The following CAMTA1 variants were observed in gnomAD, a reference collection of about 807,000 sequenced individuals.
CAMTA1 encodes calmodulin binding transcription activator 1, also known as calmodulin-binding transcription activator 1.
CAMTA1 carries 27 observed loss-of-function variants against 170.9 expected under a neutral mutation model. That is an observed-to-expected ratio of 0.16 (90% CI 0.12 to 0.22). The LOEUF (loss-of-function observed/expected upper bound fraction) is 0.22. Ranked by LOEUF, CAMTA1 falls within the 10% of genes least tolerant of loss-of-function variation. CAMTA1 has a pLI of 1.00. For missense variants in CAMTA1, 1,619 were observed against 2,217.2 expected (o/e 0.73, Z 5.42); for synonymous variants, 833 against 891.5 (o/e 0.93, Z 1.17).
intron 4 of CAMTA1, among the ~76,000 whole-genome samples, chr1:7,167,050 A>C (rs1385590791): frequency 6.6e-6 from 1 of 152,020 alleles, no homozygotes; most frequent in Non-Finnish European, 1.5e-5. Context: ...ACCTCAGGTG[A>C]TCCACCTGCC....
intron 5 of CAMTA1, among the ~76,000 whole-genome samples, chr1:7,445,298 G>C (rs1229004080): frequency 6.6e-6 from 1 of 151,734 alleles, no homozygotes; most frequent in African/African-American, 2.4e-5. Flanking sequence ...AATGATCCAA[G>C]CAGAGAGGGA....
intron 3 of CAMTA1, among the ~76,000 whole-genome samples, chr1:6,983,757 G>A (rs1363003938): frequency 6.6e-6 from 1 of 151,870 alleles, no homozygotes; most frequent in Non-Finnish European, 1.5e-5. Context: ...TAGAGGGTTG[G>A]GTGGGTAGAT....
Position 7,426,664 on chromosome 1 carries a change from G to A in CAMTA1, c.439-41166G>A, listed in dbSNP as rs1182711657. Among the ~76,000 whole-genome samples, 1 of 149,320 alleles carries A rather than the reference G, an allele frequency of 6.7e-6. No homozygotes were observed. The highest frequency in any genetic ancestry group is 1.5e-5 in the Non-Finnish European group (1 of 67,664). On this transcript the variant is annotated intron_variant, in intron 5 of 22. Coordinates refer to ENST00000303635, the MANE Select transcript of CAMTA1 (RefSeq NM_015215.4). The surrounding 1 kb of genome is among the most constrained non-coding windows in gnomAD (Gnocchi z 4.8). The stretch of plus-strand genomic sequence containing the variant: ...ATGGCGACTGTGCAAAAAAGCAGGG[G>A]TTGGGGCGGGGGAAAGGTGGAGAAA...
intron 3 of CAMTA1, among the ~76,000 whole-genome samples, chr1:7,047,184 G>A (rs1378351169): frequency 6.6e-6 from 1 of 152,218 alleles, no homozygotes; most frequent in Non-Finnish European, 1.5e-5. Context: ...AACATGCAGG[G>A]GATGTGTGGT....
chr1:6,924,900 C>T (rs1682788617), intron 3 of CAMTA1, among the ~76,000 whole-genome samples: 1 of 152,182 alleles, frequency 6.6e-6, no homozygotes, highest in African/African-American at 2.4e-5. Flanking sequence ...GCCTCTTGGT[C>T]TGATTTCTCT....
intron 6 of CAMTA1, among the ~76,000 whole-genome samples, chr1:7,629,172 G>T (rs554740668): frequency 3.3e-5 from 5 of 152,338 alleles, no homozygotes; most frequent in African/African-American, 9.6e-5. Context: ...CCAAGCTCAG[G>T]CTCTGCCAAC....
chr1:7,641,964 C>T lies in CAMTA1; in HGVS notation c.664+1411C>T, dbSNP rs567101185. On this transcript the variant is annotated intron_variant, in intron 7 of 22. Transcript: ENST00000303635. This position sits in a 1 kb window ranked among gnomAD's most constrained non-coding sequence, Gnocchi z 4.5. ...CTGCAGCCCCCCCACCCGCAGCCCC[C>T]GGCCTCTGCAGGACTCTGCGCCCTT... 1.4e-4 allele frequency among the ~76,000 whole-genome samples: 22 copies of T among 152,178 alleles called. 1 individual carries two copies. In the South Asian group the frequency reaches 4.1e-3, roughly 29 times the overall value.
At chr1:7,080,071 A>G (rs1639812448) in intron 3 of CAMTA1, among the ~76,000 whole-genome samples, 1 of 152,186 alleles carries the variant, frequency 6.6e-6, no homozygotes, top group African/African-American at 2.4e-5. Context: ...TTGTATGTAA[A>G]TTATATCTCC....
intron 4 of CAMTA1, among the ~76,000 whole-genome samples, chr1:7,184,317 G>A (rs1450064064): frequency 6.6e-6 from 1 of 152,110 alleles, no homozygotes; most frequent in Non-Finnish European, 1.5e-5. Flanking sequence ...TAACACAATA[G>A]GGTGTCTATA....
At chr1:6,870,875 A>G (rs1668215695) in intron 3 of CAMTA1, among the ~76,000 whole-genome samples, 2 of 152,248 alleles carry the variant, frequency 1.3e-5, no homozygotes, top group African/African-American at 4.8e-5. Context: ...TGATTGTGTT[A>G]TGATACTGTT....
chr1:6,967,261 A>C (rs927023329), intron 3 of CAMTA1, among the ~76,000 whole-genome samples: 1 of 151,558 alleles, frequency 6.6e-6, no homozygotes, highest in Non-Finnish European at 1.5e-5. Context: ...AAACCAAAAA[A>C]TCAGGGTTAA....
rs1202260444 is a variant in CAMTA1, at chr1:7,234,934, C to T, written c.303-14557C>T. Among the ~76,000 whole-genome samples the T allele has an allele frequency of 2.6e-5, 4 of 151,972 alleles. No homozygotes were observed. The highest frequency in any genetic ancestry group is 5.9e-5 in the Non-Finnish European group (4 of 67,988). On this transcript the variant is annotated intron_variant, in intron 4 of 22. Transcript: ENST00000303635. The surrounding 1 kb of genome is among the most constrained non-coding windows in gnomAD (Gnocchi z 5.0). ...CATGAGTAGCTGGGATTAAAAGCAC[C>T]TGCCACCACACCTGGCTAATTTTTG...
In CAMTA1 at chr1:7,456,376, C is replaced by A. The variant is rs972354010; in HGVS notation, c.439-11454C>A. ...GACCAGCTCTAGCCACTTGGCAGGG[C>A]TCCAAGAAATAGGTCTCAGCGGTAC... On this transcript the variant is annotated intron_variant, in intron 5 of 22. Transcript: ENST00000303635. The surrounding 1 kb of genome is among the most constrained non-coding windows in gnomAD (Gnocchi z 4.9). 5.3e-5 allele frequency among the ~76,000 whole-genome samples: 8 copies of A among 152,126 alleles called. No homozygotes were observed. The highest frequency in any genetic ancestry group is 1.0e-4 in the Non-Finnish European group (7 of 68,020).
chr1:7,526,529 G>A lies in CAMTA1; in HGVS notation c.510+58628G>A, dbSNP rs537110544. On this transcript the variant is annotated intron_variant, in intron 6 of 22. Transcript: ENST00000303635. ...CAGACCACAGCTGTGAGCTGGCCTC[G>A]TCGGGGTTCAGAACAAAGCAGCAAG... Among the ~76,000 whole-genome samples the A allele has an allele frequency of 2.0e-3, 305 of 152,348 alleles. 2 individuals carry two copies. The highest frequency in any genetic ancestry group is 6.9e-3 in the African/African-American group (288 of 41,580).
intron 6 of CAMTA1, among the ~76,000 whole-genome samples, chr1:7,506,126 C>A (rs1252300352): frequency 1.3e-5 from 2 of 152,176 alleles, no homozygotes; most frequent in Non-Finnish European, 2.9e-5. Context: ...ACAGACCACC[C>A]CCACCCTCTA....
intron 5 of CAMTA1, among the ~76,000 whole-genome samples, chr1:7,269,778 A>C (rs1192000052): frequency 6.6e-6 from 1 of 152,214 alleles, no homozygotes; most frequent in Non-Finnish European, 1.5e-5. Flanking sequence ...GGCCCAGACC[A>C]TGAGGAGTGG....
rs181020325 is a variant in CAMTA1 at position 7,708,733 on chromosome 1, T to G, written c.2915-23715T>G. The stretch of plus-strand genomic sequence containing the variant: ...GAAGCACCTACTATACATCAGTTGC[T>G]TAGCAAATTAAAACTAATAATTAAA... On this transcript the variant is annotated intron_variant, in intron 11 of 22. Coordinates refer to ENST00000303635, the MANE Select transcript of CAMTA1 (RefSeq NM_015215.4). Among the ~76,000 whole-genome samples the G allele has an allele frequency of 2.4e-3, 362 of 152,308 alleles. 3 individuals carry two copies. The highest frequency in any genetic ancestry group is 8.3e-3 in the African/African-American group (346 of 41,564).
intron 3 of CAMTA1, among the ~76,000 whole-genome samples, chr1:6,919,898 TC>T (rs1035252564): frequency 2.0e-5 from 3 of 150,992 alleles, no homozygotes; most frequent in African/African-American, 7.3e-5. Flanking sequence ...TCCCACTGGG[TC>T]CCCCCCATAA....
At chr1:7,101,921 ACAC>A (rs1246110963) in intron 4 of CAMTA1, among the ~76,000 whole-genome samples, 1 of 152,218 alleles carries the variant, frequency 6.6e-6, no homozygotes, top group Non-Finnish European at 1.5e-5. Context: ...ACACATGTAC[ACAC>A]AACACACATG....
Sources: allele counts gnomAD v4.1 joint callset (sites outside exome capture counted in the v4.1 genomes callset), GRCh38; gene constraint gnomAD v4.1.1; non-coding constraint Gnocchi (gnomAD v3.1); transcripts MANE v1.5; gene names NCBI Gene and HGNC (gene_info 2026-07-23, HGNC 2026-07-21).